Variants in EPCIP observed in about 807,000 individuals in gnomAD.
The protein encoded by EPCIP is exosomal polycystin 1 interacting protein.
chr21:32,806,758 C>T, the EPCIP span, among the ~76,000 whole-genome samples: 1 of 152,220 alleles, frequency 6.6e-6, no homozygotes, highest in South Asian at 2.1e-4. Flanking sequence ...GTATTAATTT[C>T]ACCCACTAAT....
At chr21:32,806,919 C>T in the EPCIP span, among the ~76,000 whole-genome samples, 1 of 152,286 alleles carries the variant, frequency 6.6e-6, no homozygotes, top group East Asian at 1.9e-4. Flanking sequence ...GGAGGCCTCA[C>T]AATCATGGTG....
chr21:32,809,284 C>A, the EPCIP span, among the ~76,000 whole-genome samples: 1 of 107,532 alleles, frequency 9.3e-6, no homozygotes, highest in Non-Finnish European at 1.9e-5. Context: ...TCCTTCCTTT[C>A]TTTCTTTCTT....
the EPCIP span, among the ~76,000 whole-genome samples, chr21:32,806,748 G>A: frequency 6.6e-6 from 1 of 152,190 alleles, no homozygotes; most frequent in East Asian, 1.9e-4. Context: ...GCTCACCTGG[G>A]TATTAATTTC....
At chr21:32,810,576 G>A in the EPCIP span, 1 of 470,650 alleles carries the variant, frequency 2.1e-6, no homozygotes, top group Admixed American at 2.4e-5. Context: ...CTTCTTACCT[G>A]TTATTGTTGC....
At chr21:32,810,246 C>CTTT in the EPCIP span, among the ~76,000 whole-genome samples, 1 of 65,638 alleles carries the variant, frequency 1.5e-5, no homozygotes. Context: ...GGCATTTGAT[C>CTTT]TTTTTTTTTT....
the EPCIP span, among the ~76,000 whole-genome samples, chr21:32,803,922 T>C: frequency 6.6e-6 from 1 of 152,208 alleles, no homozygotes; most frequent in Non-Finnish European, 1.5e-5. Context: ...ACACAGTTCA[T>C]TGTGCGGGGC....
chr21:32,793,485 G>C, the EPCIP span: 1 of 535,184 alleles, frequency 1.9e-6, no homozygotes, highest in Non-Finnish European at 3.3e-6. Context: ...TAGTTGCAGA[G>C]ACCAAGCCTA....
At chr21:32,796,782 C>T in the EPCIP span, among the ~76,000 whole-genome samples, 1 of 152,136 alleles carries the variant, frequency 6.6e-6, no homozygotes, top group Non-Finnish European at 1.5e-5. Flanking sequence ...CTGGAGGCCT[C>T]TGGGACTTCG....
chr21:32,799,629 A>G, the EPCIP span, among the ~76,000 whole-genome samples: 3 of 152,044 alleles, frequency 2.0e-5, no homozygotes, highest in Non-Finnish European at 4.4e-5. Context: ...CTTTCCCCTA[A>G]TTGCATTTCC....
chr21:32,812,338 C>T, the EPCIP span, among the ~76,000 whole-genome samples: 5 of 152,274 alleles, frequency 3.3e-5, no homozygotes, highest in South Asian at 2.1e-4. Flanking sequence ...AACTGTGAGG[C>T]CTGCCTGTTC....
At chr21:32,812,231 T>C in the EPCIP span, among the ~76,000 whole-genome samples, 1 of 152,184 alleles carries the variant, frequency 6.6e-6, no homozygotes, top group Non-Finnish European at 1.5e-5. Flanking sequence ...TCCTTCAGGC[T>C]TTCCCCTTGA....
At chr21:32,794,107 G>A in the EPCIP span, 1 of 1,614,210 alleles carries the variant, frequency 6.2e-7, no homozygotes, top group Non-Finnish European at 8.5e-7. Flanking sequence ...TGCTGCACAG[G>A]GAAAGCTTCA....
At chr21:32,812,298 C>T in the EPCIP span, among the ~76,000 whole-genome samples, 1 of 152,194 alleles carries the variant, frequency 6.6e-6, no homozygotes, top group Non-Finnish European at 1.5e-5. Context: ...CACAGCTTTG[C>T]ACAGCTGCCC....
chr21:32,813,526 T>C, the EPCIP span: 1 of 458,496 alleles, frequency 2.2e-6, no homozygotes, highest in Non-Finnish European at 4.6e-6. Flanking sequence ...GCAGAAATTC[T>C]GAAGCTCTGA....
the EPCIP span, chr21:32,794,626 T>C: frequency 1.6e-6 from 1 of 610,868 alleles, no homozygotes; most frequent in Non-Finnish European, 2.9e-6. Context: ...AGGCAATGCT[T>C]GCAGCCCAGG....
At chr21:32,808,271 A>G in the EPCIP span, among the ~76,000 whole-genome samples, 5 of 151,484 alleles carry the variant, frequency 3.3e-5, no homozygotes, top group Admixed American at 6.6e-5. Flanking sequence ...TGAGTCAGAC[A>G]CTAATCCCTT....
the EPCIP span, chr21:32,797,041 T>C: frequency 2.1e-6 from 1 of 470,618 alleles, no homozygotes; most frequent in Non-Finnish European, 4.4e-6. Context: ...CCAGAAGAAT[T>C]TGTGAGCAAC....
the EPCIP span, among the ~76,000 whole-genome samples, chr21:32,804,490 T>G: frequency 6.6e-6 from 1 of 151,912 alleles, no homozygotes; most frequent in African/African-American, 2.4e-5. Flanking sequence ...TCATAAGTAC[T>G]CATAGGCATG....
the EPCIP span, chr21:32,793,747 GAC>G: frequency 1.4e-5 from 22 of 1,612,694 alleles, no homozygotes; most frequent in African/African-American, 2.7e-4. Flanking sequence ...CAGGCAGCTG[GAC>G]ACAGTTATTA....
Sources: allele counts gnomAD v4.1 joint callset (sites outside exome capture counted in the v4.1 genomes callset), GRCh38; gene constraint gnomAD v4.1.1; transcripts MANE v1.5; gene names NCBI Gene and HGNC (gene_info 2026-07-23, HGNC 2026-07-21).